Variants in YARS1 observed in about 807,000 individuals in gnomAD.
The protein encoded by YARS1 is tyrosine--tRNA ligase, cytoplasmic.
YARS1 carries 36 observed loss-of-function variants against 62.2 expected under a neutral mutation model. The observed-to-expected ratio is 0.58, with a 90% CI of 0.44 to 0.76. The LOEUF (loss-of-function observed/expected upper bound fraction) is 0.76, where lower values mean the gene tolerates loss of function less well. Ranked by LOEUF, YARS1 falls within the 30% of genes least tolerant of loss-of-function variation. The pLI, the probability that YARS1 is intolerant of heterozygous loss-of-function variation, is 0.00. For missense variants in YARS1, 524 were observed against 639.8 expected (o/e 0.82, Z 1.95); for synonymous variants, 234 against 244.9 (o/e 0.96, Z 0.42).
chr1:32,815,552 A>T (rs1359509535), intron 1 of YARS1, among the ~76,000 whole-genome samples: 1 of 152,252 alleles, frequency 6.6e-6, no homozygotes, highest in Non-Finnish European at 1.5e-5. Flanking sequence ...ACGGATAAAC[A>T]AAATGTATAT....
At chr1:32,792,172 C>T (rs1653431185) in intron 5 of YARS1, among the ~76,000 whole-genome samples, 2 of 152,090 alleles carry the variant, frequency 1.3e-5, no homozygotes, top group South Asian at 4.1e-4. Context: ...TTGGAGGCTG[C>T]ACAGTATTGG....
At position 32,776,209 on chromosome 1, in the gene YARS1, G is replaced by A. The variant is rs763214421; in HGVS notation, c.1477-118C>T. ...GTTGCCCAGGCTGGAGTGCAATGGC[G>A]TGATCTTGGCTCACCGCAACCTCTG... is the stretch of plus-strand genomic sequence containing the variant. On this transcript the variant is annotated intron_variant, in intron 12 of 12. Transcript: ENST00000373477. The surrounding 1 kb of genome is among the most constrained non-coding windows in gnomAD (Gnocchi z 4.0). The A allele has an allele frequency of 5.8e-5, 50 of 863,530 alleles. No individual in the cohort carries two copies. Among genetic ancestry groups the A allele is most frequent in the Middle Eastern group, 3.0e-4 (1 of 3,286 alleles). The allele number at this position is 863,530 out of a possible 1,614,324, so 53.5% of individuals were successfully genotyped here. A position where few individuals can be genotyped will look rare whatever the true frequency, so the allele number is the denominator to read the frequency against.
chr1:32,798,018 G>C, intron 4 of YARS1, 175 bp from the exon 5 acceptor site: 1 of 600,406 alleles, frequency 1.7e-6, no homozygotes, highest in South Asian at 1.8e-5. Context: ...TTACAGACAT[G>C]CACCACCACG....
chr1:32,798,663 C>A (rs1653681307), intron 4 of YARS1, among the ~76,000 whole-genome samples: 1 of 151,900 alleles, frequency 6.6e-6, no homozygotes, highest in Non-Finnish European at 1.5e-5. Flanking sequence ...AACAAACAAA[C>A]AAAAAGAAAT....
At chr1:32,811,395 A>G (rs917550391) in intron 1 of YARS1, 1 of 376,466 alleles carries the variant, frequency 2.7e-6, no homozygotes, top group Non-Finnish European at 5.1e-6. Context: ...TATTGTGGAA[A>G]GCTATAGCCG....
intron 6 of YARS1, among the ~76,000 whole-genome samples, chr1:32,790,180 CCTTT>C (rs1201956688): frequency 1.4e-5 from 2 of 138,658 alleles, no homozygotes; most frequent in East Asian, 2.1e-4. Context: ...ACCACGCAGG[CCTTT>C]TTTTTTTTTT....
rs1243316889 is a variant in YARS1 at position 32,817,333 on chromosome 1, G to C, written c.-89C>G. The stretch of plus-strand genomic sequence containing the variant: ...GCCGCCGCGTGCCGGGAACTGTCAC[G>C]CGAGTCCAGCCAGGTTGCATCAGCT... On this transcript the variant is annotated 5_prime_UTR_variant, in exon 1 of 13. Coordinates refer to ENST00000373477, the MANE Select transcript of YARS1 (RefSeq NM_003680.4). The C allele has an allele frequency of 1.3e-6, 2 of 1,544,010 alleles. No individual in the cohort carries two copies. The highest frequency in any genetic ancestry group is 2.2e-5 in the South Asian group (2 of 89,728).
At chr1:32,801,646 G>A (rs1275881832) in intron 4 of YARS1, among the ~76,000 whole-genome samples, 4 of 152,188 alleles carry the variant, frequency 2.6e-5, no homozygotes, top group Non-Finnish European at 5.9e-5. Context: ...TTTATCTGGT[G>A]CAGGTGATGC....
At chr1:32,815,321 C>T (rs1638682641) in intron 1 of YARS1, among the ~76,000 whole-genome samples, 1 of 152,132 alleles carries the variant, frequency 6.6e-6, no homozygotes, top group Admixed American at 6.5e-5. Context: ...TGCACTCCAG[C>T]CTGGCCGACA....
chr1:32,817,059 G>T, intron 1 of YARS1, 129 bp downstream of exon 1: 1 of 1,194,670 alleles, frequency 8.4e-7, no homozygotes, highest in Non-Finnish European at 1.2e-6. Context: ...GAGATCTACA[G>T]GCTCTCTCAG....
chr1:32,780,291 G>A lies in YARS1; in HGVS notation c.1141-13C>T, dbSNP rs558667909. ...CTGCATCTGGGTGCTGCCAGGGAGAGACGTCAGGAGGAAGAGGATCATCGT... is the reference window on the plus strand; with the variant it reads ...CTGCATCTGGGTGCTGCCAGGGAGAAACGTCAGGAGGAAGAGGATCATCGT... On this transcript the variant is annotated splice_polypyrimidine_tract_variant and intron_variant, in intron 10 of 12. Coordinates refer to ENST00000373477, the MANE Select transcript of YARS1 (RefSeq NM_003680.4). The A allele has an allele frequency of 1.9e-6, 3 of 1,613,906 alleles. No individual in the cohort carries two copies. The highest frequency in any genetic ancestry group is 8.5e-7 in the Non-Finnish European group (1 of 1,180,016).
chr1:32,776,159 G>T lies in YARS1; in HGVS notation c.1477-68C>A. ...ACTGCAAGAAAACCCCCCCTTTTTT[G>T]GAGGGGGGGCAGAGTTTTGCTCTTG... is the stretch of plus-strand genomic sequence containing the variant. On this transcript the variant is annotated intron_variant, in intron 12 of 12. Transcript: ENST00000373477. This position sits in a 1 kb window ranked among gnomAD's most constrained non-coding sequence, Gnocchi z 4.0. 1 of 1,333,196 alleles carries T rather than the reference G, an allele frequency of 7.5e-7. No homozygotes were observed. The highest frequency in any genetic ancestry group is 1.1e-6 in the Non-Finnish European group (1 of 942,616). The allele number at this position is 1,333,196 out of a possible 1,614,324, so 82.6% of individuals were successfully genotyped here. A position where few individuals can be genotyped will look rare whatever the true frequency, so the allele number is the denominator to read the frequency against.
intron 3 of YARS1, among the ~76,000 whole-genome samples, chr1:32,809,374 C>A (rs1638530961): frequency 6.6e-6 from 1 of 152,144 alleles, no homozygotes; most frequent in African/African-American, 2.4e-5. Flanking sequence ...AGGTGTGAGC[C>A]ACCATGGCTG....
At chr1:32,808,680 A>G (rs948138435) in intron 3 of YARS1, among the ~76,000 whole-genome samples, 1 of 152,124 alleles carries the variant, frequency 6.6e-6, no homozygotes, top group South Asian at 2.1e-4. Context: ...GCAAGAATTC[A>G]ATATATATTT....
intron 4 of YARS1, among the ~76,000 whole-genome samples, chr1:32,802,978 ATTTTTTTTTTTTT>A: frequency 1.1e-5 from 1 of 89,402 alleles, no homozygotes; most frequent in African/African-American, 4.4e-5. Context: ...ACGCCTGGCT[ATTTTTTTTTTTTT>A]TTTTTTTTTG....
intron 6 of YARS1, among the ~76,000 whole-genome samples, chr1:32,790,030 C>A (rs1653362131): frequency 1.3e-5 from 2 of 150,194 alleles, no homozygotes; most frequent in South Asian, 4.2e-4. Flanking sequence ...ATTACAGGCG[C>A]CTGCCACCAC....
rs187748293 is a variant in YARS1 at position 32,815,972 on chromosome 1, G to T, written c.57+1216C>A. On this transcript the variant is annotated intron_variant, in intron 1 of 12. Coordinates refer to ENST00000373477, the MANE Select transcript of YARS1 (RefSeq NM_003680.4). ...AAAATACAAAAAATTAGCCGGGCGTGGGGGCGGTCACCTGTAGTCCCAGCT... is the reference window on the plus strand; with the variant it reads ...AAAATACAAAAAATTAGCCGGGCGTTGGGGCGGTCACCTGTAGTCCCAGCT... Among the ~76,000 whole-genome samples the T allele has an allele frequency of 5.1e-3, 770 of 152,090 alleles. 8 individuals are homozygous for T. Among genetic ancestry groups the T allele is most frequent in the African/African-American group, 0.018 (738 of 41,484 alleles).
At chr1:32,797,533 C>G (rs1653645586) in intron 5 of YARS1, 1 of 572,968 alleles carries the variant, frequency 1.7e-6, no homozygotes, top group East Asian at 3.0e-5. Flanking sequence ...TGTCACCAGG[C>G]ACATGGGCTC....
intron 1 of YARS1, among the ~76,000 whole-genome samples, chr1:32,816,330 G>C (rs925718261): frequency 5.9e-5 from 9 of 152,100 alleles, no homozygotes; most frequent in Non-Finnish European, 1.2e-4. Context: ...CAAGGCTCCC[G>C]TGACTTGGTC....
Sources: gnomAD v4.1 joint callset for allele counts (sites outside exome capture counted in the v4.1 genomes callset) on GRCh38, gnomAD v4.1.1 for gene constraint, Gnocchi (gnomAD v3.1) non-coding constraint, MANE v1.5 for transcripts, NCBI Gene and HGNC (gene_info 2026-07-23, HGNC 2026-07-21) for gene names.